Variants in ATXN1 observed in about 807,000 individuals in gnomAD.
ATXN1 encodes ataxin-1.
Under a neutral mutation model 56.4 loss-of-function variants are expected in ATXN1, and 8 were observed. That is an observed-to-expected ratio of 0.14 (90% CI 0.08 to 0.26). The LOEUF (loss-of-function observed/expected upper bound fraction) is 0.26. Ranked by LOEUF, ATXN1 falls within the 10% of genes least tolerant of loss-of-function variation. The probability of loss-of-function intolerance (pLI) is 1.00; values close to 1 mark genes in which losing one functional copy is unlikely to be tolerated. For synonymous variants in ATXN1, 514 were observed against 494.6 expected (o/e 1.04, Z -0.52); for missense variants, 987 against 1,106.5 (o/e 0.89, Z 1.53).
intron 6 of ATXN1, among the ~76,000 whole-genome samples, chr6:16,394,600 T>C (rs1452999921): frequency 6.6e-6 from 1 of 152,184 alleles, no homozygotes; most frequent in African/African-American, 2.4e-5. Flanking sequence ...TGCAGTCTTC[T>C]CTTAAGGACC....
At chr6:16,394,502 C>T (rs910760173) in intron 6 of ATXN1, among the ~76,000 whole-genome samples, 3 of 152,048 alleles carry the variant, frequency 2.0e-5, no homozygotes, top group Non-Finnish European at 4.4e-5. Context: ...GTGTAATGAT[C>T]AATTCACGGT....
At chr6:16,314,783 G>A (rs747497177) in intron 7 of ATXN1, among the ~76,000 whole-genome samples, 1 of 151,912 alleles carries the variant, frequency 6.6e-6, no homozygotes, top group African/African-American at 2.4e-5. Context: ...GCTAATTTTT[G>A]TATGTTTAGT....
intron 2 of ATXN1, among the ~76,000 whole-genome samples, chr6:16,678,882 C>G (rs1581357604): frequency 6.6e-6 from 1 of 151,924 alleles, no homozygotes; most frequent in East Asian, 1.9e-4. Context: ...CAAAAACATA[C>G]AAAATTAGCT....
In ATXN1 at chr6:16,457,952, A is replaced by C. The variant is rs150546489; in HGVS notation, c.-161+28020T>G. Among the ~76,000 whole-genome samples the C allele has an allele frequency of 7.2e-5, 11 of 152,352 alleles. No individual in the cohort carries two copies. In the East Asian group the frequency reaches 2.1e-3, roughly 29 times the overall value. On this transcript the variant is annotated intron_variant, in intron 6 of 7. Coordinates refer to ENST00000436367, the MANE Select transcript of ATXN1 (RefSeq NM_001128164.2). ...CTCTCTCTCTGAATTAAAGCAGATCAAGGTAGACCTGGGAAAGTTTTCAGA... is the reference window on the plus strand; with the variant it reads ...CTCTCTCTCTGAATTAAAGCAGATCCAGGTAGACCTGGGAAAGTTTTCAGA...
At chr6:16,376,263 A>G (rs1222137226) in intron 6 of ATXN1, among the ~76,000 whole-genome samples, 1 of 152,184 alleles carries the variant, frequency 6.6e-6, no homozygotes, top group East Asian at 1.9e-4. Context: ...CAAAAGAGAG[A>G]AAAAAATTAC....
intron 6 of ATXN1, among the ~76,000 whole-genome samples, chr6:16,353,356 G>A (rs1230593925): frequency 6.6e-6 from 1 of 152,174 alleles, no homozygotes; most frequent in African/African-American, 2.4e-5. Context: ...AGTGGCTTCA[G>A]AAAGGTGTCT....
chr6:16,718,318 G>C (rs890545903), intron 2 of ATXN1, among the ~76,000 whole-genome samples: 5 of 152,246 alleles, frequency 3.3e-5, no homozygotes, highest in African/African-American at 1.2e-4. Flanking sequence ...GAAGGTCAGT[G>C]CCTGTTTTGC....
At chr6:16,732,813 T>A (rs915868585) in intron 2 of ATXN1, among the ~76,000 whole-genome samples, 4 of 152,242 alleles carry the variant, frequency 2.6e-5, no homozygotes, top group Non-Finnish European at 5.9e-5. Flanking sequence ...GTGCTTCTTT[T>A]GAAATCTTTT....
chr6:16,470,645 C>T (rs1260086248), intron 6 of ATXN1, among the ~76,000 whole-genome samples: 1 of 152,114 alleles, frequency 6.6e-6, no homozygotes, highest in Admixed American at 6.6e-5. Flanking sequence ...TAGACAGCTG[C>T]TTGCTTCCTA....
chr6:16,445,171 T>C (rs968983034), intron 6 of ATXN1, among the ~76,000 whole-genome samples: 6 of 152,300 alleles, frequency 3.9e-5, no homozygotes, highest in African/African-American at 1.4e-4. Context: ...TATTAATAAG[T>C]CAATTAGGAA....
At chr6:16,644,673 C>A (rs1763771018) in intron 3 of ATXN1, among the ~76,000 whole-genome samples, 1 of 151,704 alleles carries the variant, frequency 6.6e-6, no homozygotes, top group African/African-American at 2.4e-5. Flanking sequence ...ATAGCCTGGT[C>A]CCTGAGACAC....
intron 2 of ATXN1, chr6:16,739,637 TCCTGG>T (rs1421663070): frequency 2.9e-6 from 1 of 341,540 alleles, no homozygotes; most frequent in Non-Finnish European, 6.1e-6. Flanking sequence ...TTTAACATCG[TCCTGG>T]CCATTAATGA....
intron 3 of ATXN1, among the ~76,000 whole-genome samples, chr6:16,630,592 C>T (rs1368219344): frequency 2.0e-5 from 3 of 152,126 alleles, no homozygotes; most frequent in Non-Finnish European, 2.9e-5. Context: ...AACTGTGAAT[C>T]GGCATCTGAG....
chr6:16,394,953 T>G (rs1432262496), intron 6 of ATXN1, among the ~76,000 whole-genome samples: 1 of 152,146 alleles, frequency 6.6e-6, no homozygotes, highest in African/African-American at 2.4e-5. Flanking sequence ...CAGTTAAGCT[T>G]GACAGCCAAG....
Position 16,328,142 on chromosome 6 carries a change from C to T in ATXN1, c.169G>A (p.Gly57Ser), listed in dbSNP as rs1167109152. 3 of 1,580,546 alleles carry T rather than the reference C, an allele frequency of 1.9e-6. No individual in the cohort carries two copies. Among genetic ancestry groups the T allele is most frequent in the South Asian group, 1.2e-5 (1 of 86,218 alleles). ...GTCCCTGCCGGCCCATGCCTCCCGCCCCCGTGGCCCCGGCCACCAGGGTTG... is the reference window on the plus strand; with the variant it reads ...GTCCCTGCCGGCCCATGCCTCCCGCTCCCGTGGCCCCGGCCACCAGGGTTG... ...PGNPGGRGHG[G>S]GRHGPAGTSV... Residue 57 changes from glycine to serine, a missense_variant, in exon 7 of 8, where the codon GGC (glycine) becomes AGC (serine). Around this residue, in one of 3 missense-constraint regions of ATXN1, gnomAD observed 723 missense variants for 791.7 expected, o/e 0.91. Transcript: ENST00000436367. This position sits in a 1 kb window ranked among gnomAD's most constrained non-coding sequence, Gnocchi z 6.2.
chr6:16,358,604 C>T (rs179979), intron 6 of ATXN1, among the ~76,000 whole-genome samples: 123,836 of 152,224 alleles, frequency 0.81, 51,191 homozygotes, highest in East Asian at 1. Flanking sequence ...AAGCTGGCTG[C>T]GCGGCTGGTG....
chr6:16,627,977 C>T (rs964717190), intron 3 of ATXN1, among the ~76,000 whole-genome samples: 1 of 152,066 alleles, frequency 6.6e-6, no homozygotes, highest in Non-Finnish European at 1.5e-5. Flanking sequence ...GTTAATGAGC[C>T]CTGCAAACAG....
intron 2 of ATXN1, among the ~76,000 whole-genome samples, chr6:16,735,410 T>C (rs953103339): frequency 6.6e-6 from 1 of 152,218 alleles, no homozygotes; most frequent in Non-Finnish European, 1.5e-5. Flanking sequence ...ATTTATTGAA[T>C]AAAACTATCA....
At chr6:16,462,605 A>G (rs1760021822) in intron 6 of ATXN1, among the ~76,000 whole-genome samples, 1 of 152,064 alleles carries the variant, frequency 6.6e-6, no homozygotes, top group African/African-American at 2.4e-5. Context: ...TCCTAATCAC[A>G]TCAACCTTTT....
Sources: gnomAD v4.1 joint callset for allele counts (sites outside exome capture counted in the v4.1 genomes callset) on GRCh38, gnomAD v4.1.1 for gene constraint, gnomAD v4.1.1 regional missense constraint, Gnocchi (gnomAD v3.1) non-coding constraint, MANE v1.5 for transcripts, NCBI Gene and HGNC (gene_info 2026-07-23, HGNC 2026-07-21) for gene names.